The following BNC2 variants were observed in gnomAD, a reference collection of about 807,000 sequenced individuals.
The protein encoded by BNC2 is basonuclin zinc finger protein 2.
Under a neutral mutation model 76.3 loss-of-function variants are expected in BNC2, and 20 were observed. That is an observed-to-expected ratio of 0.26 (90% confidence interval 0.18 to 0.38). The LOEUF is 0.38. Among genes scored for constraint, BNC2 ranks in the 10% least tolerant of loss-of-function variants. The pLI, the probability that BNC2 is intolerant of heterozygous loss-of-function variation, is 1.00. For synonymous variants in BNC2, 582 were observed against 514.8 expected, an observed-to-expected ratio of 1.13 and a Z score of -1.77; for missense variants, 1,382 against 1,399.8, an observed-to-expected ratio of 0.99 and a Z score of 0.20.
At chr9:16,516,155 T>C (rs1264296377) in intron 5 of BNC2, among the ~76,000 whole-genome samples, 2 of 152,184 alleles carry the variant, frequency 1.3e-5, no homozygotes, top group Admixed American at 6.5e-5. Flanking sequence ...ACAGCCTAAC[T>C]GTGCTTCCAG....
chr9:16,726,074 C>A lies in BNC2; in HGVS notation c.330+1723G>T, dbSNP rs547843366. ...GTGACATCTAGTTTTAAAAGTGAAG[C>A]ACAAGTTATTTGGTACTAAGGTTAG... On this transcript the variant is annotated intron_variant, in intron 3 of 6. Coordinates refer to ENST00000380672, the MANE Select transcript of BNC2 (RefSeq NM_017637.6). Among the ~76,000 whole-genome samples the A allele has an allele frequency of 1.9e-4, 29 of 152,108 alleles. No individual in the cohort carries two copies. The Middle Eastern group carries it at 0.01, about 54-fold the overall frequency.
At chr9:16,766,277 T>G (rs1825691235) in intron 1 of BNC2, among the ~76,000 whole-genome samples, 1 of 152,216 alleles carries the variant, frequency 6.6e-6, no homozygotes, top group Admixed American at 6.5e-5. Flanking sequence ...ACTGTTTCCT[T>G]TAATTGAGGT....
At chr9:16,708,411 A>G (rs1823740046) in intron 3 of BNC2, among the ~76,000 whole-genome samples, 1 of 152,240 alleles carries the variant, frequency 6.6e-6, no homozygotes, top group Non-Finnish European at 1.5e-5. Context: ...TCTGCTCTGC[A>G]GGGATTCATT....
chr9:16,522,217 T>G (rs1817641774), intron 5 of BNC2, among the ~76,000 whole-genome samples: 1 of 152,214 alleles, frequency 6.6e-6, no homozygotes, highest in Admixed American at 6.5e-5. Context: ...GAACCTAGTC[T>G]GAGTCAGGAA....
chr9:16,498,192 T>C (rs963596219), intron 5 of BNC2, among the ~76,000 whole-genome samples: 9 of 136,584 alleles, frequency 6.6e-5, no homozygotes, highest in Non-Finnish European at 1.2e-4. Context: ...TATTCCATCA[T>C]ATATATATTC....
chr9:16,848,144 ATTTC>A (rs1311569364), intron 1 of BNC2, among the ~76,000 whole-genome samples: 1 of 152,196 alleles, frequency 6.6e-6, no homozygotes, highest in Non-Finnish European at 1.5e-5. Flanking sequence ...TCAAACATAA[ATTTC>A]TTTTGCTGAG....
chr9:16,797,458 C>T (rs138273158), intron 1 of BNC2, among the ~76,000 whole-genome samples: 2 of 152,300 alleles, frequency 1.3e-5, no homozygotes, highest in African/African-American at 2.4e-5. Flanking sequence ...CAGTGAATCT[C>T]ATTATGACTT....
rs551092852 is a variant in BNC2, at chr9:16,679,939, T to C, written c.330+47858A>G. ...CAGTCCTCAGGGAAAGTCAGAACAA[T>C]AATCATACAAACTTTTCCACAGGGA... On this transcript the variant is annotated intron_variant, in intron 3 of 6. Coordinates refer to ENST00000380672, the MANE Select transcript of BNC2 (RefSeq NM_017637.6). Among the ~76,000 whole-genome samples the C allele has an allele frequency of 2.1e-4, 32 of 152,344 alleles. 1 individual carries two copies. Among genetic ancestry groups the C allele is most frequent in the Admixed American group, 6.5e-5 (1 of 15,310 alleles).
intron 4 of BNC2, among the ~76,000 whole-genome samples, chr9:16,564,695 T>A (rs1819120247): frequency 6.6e-6 from 1 of 152,200 alleles, no homozygotes; most frequent in African/African-American, 2.4e-5. Flanking sequence ...TCTTTGTGTG[T>A]CATTTTCTCA....
chr9:16,528,643 T>G (rs1817884968), intron 5 of BNC2, among the ~76,000 whole-genome samples: 1 of 152,234 alleles, frequency 6.6e-6, no homozygotes, highest in South Asian at 2.1e-4. Flanking sequence ...CTTCTAAATA[T>G]TTATTCTACA....
chr9:16,608,634 T>C (rs112656603), intron 3 of BNC2, among the ~76,000 whole-genome samples: 4 of 152,254 alleles, frequency 2.6e-5, no homozygotes, highest in African/African-American at 9.6e-5. Context: ...GCCTCCCAAG[T>C]ACCTGGGACC....
chr9:16,849,227 C>T (rs1819065625), intron 1 of BNC2, among the ~76,000 whole-genome samples: 1 of 151,806 alleles, frequency 6.6e-6, no homozygotes, highest in African/African-American at 2.4e-5. Flanking sequence ...ACTCTCATTC[C>T]CCCCACCAAA....
At chr9:16,453,973 G>A (rs915415411) in intron 5 of BNC2, among the ~76,000 whole-genome samples, 4 of 152,278 alleles carry the variant, frequency 2.6e-5, no homozygotes, top group African/African-American at 4.8e-5. Context: ...TTAGCTTTCA[G>A]TGAACACACT....
chr9:16,757,482 G>A lies in BNC2; in HGVS notation c.4-18997C>T, dbSNP rs143946266. On this transcript the variant is annotated intron_variant, in intron 1 of 6. Transcript: ENST00000380672. ...CTTGAGCAATTTCTTGACAACTGTCGAACATGACAGAAATCGAAATGTGAG... is the reference window on the plus strand; with the variant it reads ...CTTGAGCAATTTCTTGACAACTGTCAAACATGACAGAAATCGAAATGTGAG... Among the ~76,000 whole-genome samples the A allele has an allele frequency of 4.7e-3, 711 of 152,202 alleles. 3 individuals are homozygous for A. The highest frequency in any genetic ancestry group is 6.8e-3 in the Middle Eastern group (2 of 294).
chr9:16,573,087 G>T (rs997281985), intron 4 of BNC2, among the ~76,000 whole-genome samples: 1 of 151,830 alleles, frequency 6.6e-6, no homozygotes, highest in African/African-American at 2.4e-5. Context: ...AATTAGCTGG[G>T]CGTGGTAGCG....
In BNC2 at chr9:16,862,954, G is replaced by A. The variant is rs142323232; in HGVS notation, c.3+7692C>T. On this transcript the variant is annotated intron_variant, in intron 1 of 6. Transcript: ENST00000380672. Reference sequence around the variant, plus strand: ...TTTTGAGACAAAGTCTTGCTCTGTCGCTCAGGCTAGAGTGCAGTGGCGAGA... The same window carrying A: ...TTTTGAGACAAAGTCTTGCTCTGTCACTCAGGCTAGAGTGCAGTGGCGAGA... 4.1e-3 allele frequency among the ~76,000 whole-genome samples: 601 copies of A among 147,516 alleles called. 4 individuals carry two copies. Among genetic ancestry groups the A allele is most frequent in the African/African-American group, 0.014 (554 of 39,706 alleles).
At chr9:16,642,324 G>A (rs963314690) in intron 3 of BNC2, among the ~76,000 whole-genome samples, 6 of 152,124 alleles carry the variant, frequency 3.9e-5, no homozygotes, top group African/African-American at 1.4e-4. Flanking sequence ...AGGCAATACT[G>A]CAACAGCTTT....
rs530934626 is a variant in BNC2 at position 16,684,597 on chromosome 9, G to A, written c.330+43200C>T. Among the ~76,000 whole-genome samples, 93 of 152,058 alleles carry A rather than the reference G, an allele frequency of 6.1e-4. No homozygotes were observed. In the South Asian group the frequency reaches 0.016, roughly 27 times the overall value. On this transcript the variant is annotated intron_variant, in intron 3 of 6. Coordinates refer to ENST00000380672, the MANE Select transcript of BNC2 (RefSeq NM_017637.6). ...TTTGTGGTTCTAAATCAGTAAAAACGTTTTAAAACTGAGCTCACTATGCTC... is the reference window on the plus strand; with the variant it reads ...TTTGTGGTTCTAAATCAGTAAAAACATTTTAAAACTGAGCTCACTATGCTC...
intron 5 of BNC2, among the ~76,000 whole-genome samples, chr9:16,507,410 C>T (rs549918147): frequency 5.5e-4 from 83 of 152,134 alleles, no homozygotes; most frequent in African/African-American, 2.0e-3. Flanking sequence ...CAGGCGCATG[C>T]CCCCACACCT....
Sources: allele counts gnomAD v4.1 joint callset (sites outside exome capture counted in the v4.1 genomes callset), GRCh38; gene constraint gnomAD v4.1.1; transcripts MANE v1.5; gene names NCBI Gene and HGNC (gene_info 2026-07-23, HGNC 2026-07-21).